The following STAG2 variants were observed in gnomAD, a reference collection of about 807,000 sequenced individuals.
The protein encoded by STAG2 is STAG2 cohesin complex component, also known as cohesin subunit SA-2.
In STAG2, 14 loss-of-function variants were observed where a neutral mutation model predicts 108.1. That is an observed-to-expected ratio of 0.13 (90% CI 0.09 to 0.20). The LOEUF is 0.20. STAG2 is among the 10% of genes least tolerant of loss of function. STAG2 has a pLI of 1.00. For synonymous variants in STAG2, 307 were observed against 302.7 expected (o/e 1.01, Z -0.15); for missense variants, 440 against 940.9 (o/e 0.47, Z 6.96).
intron 14 of STAG2, among the ~76,000 whole-genome samples, chrX:124,057,601 G>A (rs1433940214): frequency 1.8e-5 from 2 of 111,877 alleles, no homozygotes; most frequent in Non-Finnish European, 1.9e-5. Flanking sequence ...ATACAGTAAG[G>A]TTTTTAAAAA....
intron 3 of STAG2, among the ~76,000 whole-genome samples, chrX:124,023,872 C>T (rs12394712): frequency 0.013 from 1,406 of 111,328 alleles, 24 homozygotes; most frequent in African/African-American, 0.043. Flanking sequence ...CAGCATTTGA[C>T]TGGGTATGTG....
chrX:123,979,409 C>G (rs994843464), intron 1 of STAG2, among the ~76,000 whole-genome samples: 1 of 111,612 alleles, frequency 9.0e-6, no homozygotes, highest in Non-Finnish European at 1.9e-5. Flanking sequence ...TAGAACAGTG[C>G]TTGGAGTGTA....
intron 1 of STAG2, among the ~76,000 whole-genome samples, chrX:123,991,364 T>C (rs1412590850): frequency 1.8e-5 from 2 of 111,457 alleles, no homozygotes; most frequent in African/African-American, 3.3e-5. Context: ...ACAATTTTTT[T>C]TTTTTTGAGA....
chrX:124,078,727 G>C (rs1177843954), intron 27 of STAG2, among the ~76,000 whole-genome samples: 1 of 110,708 alleles, frequency 9.0e-6, no homozygotes, highest in African/African-American at 3.3e-5. Flanking sequence ...CCAGTGCTTT[G>C]GGAGGCTGAG....
Position 124,064,772 on chromosome X carries a change from GTTA to G in STAG2, c.2025+732_2025+734del, listed in dbSNP as rs72418096. On this transcript the variant is annotated intron_variant, in intron 20 of 34. Transcript: ENST00000371145. Reference sequence around the variant, plus strand: ...TTTTGATATTATAAAACTTTAATAAGTTATTATTATTATAGCCGCTGCTACTGT... The same window carrying G: ...TTTTGATATTATAAAACTTTAATAAGTTATTATTATAGCCGCTGCTACTGT... Among the ~76,000 whole-genome samples, 655 of 111,223 alleles carry G rather than the reference GTTA, an allele frequency of 5.9e-3. 5 individuals carry two copies. The highest frequency in any genetic ancestry group is 0.02 in the African/African-American group (607 of 30,581).
At chrX:124,077,887 A>G in intron 26 of STAG2, 70 bp from the exon 27 acceptor site, 1 of 709,553 alleles carries the variant, frequency 1.4e-6, no homozygotes, top group South Asian at 3.3e-5. Flanking sequence ...TACATGACTA[A>G]CCTAAAATTT....
Position 124,014,825 on chromosome X carries a change from T to C in STAG2, c.-162-6542T>C, listed in dbSNP as rs989346730. Among the ~76,000 whole-genome samples, 10 of 110,504 alleles carry C rather than the reference T, an allele frequency of 9.0e-5. No individual in the cohort carries two copies. The Admixed American group carries it at 9.7e-4, about 11-fold the overall frequency. ...GAGCAGGGACTACCATTAGGAATTC[T>C]GTAGGACTCCATCCAGGTTTGTGTA... On this transcript the variant is annotated intron_variant, in intron 1 of 34. Transcript: ENST00000371145.
At chrX:124,016,899 A>C (rs1477408169) in intron 1 of STAG2, among the ~76,000 whole-genome samples, 1 of 111,558 alleles carries the variant, frequency 9.0e-6, no homozygotes, top group East Asian at 2.8e-4. Context: ...TGTTTGTATT[A>C]TAGTGATGGT....
intron 17 of STAG2, 101 bp from the exon 18 acceptor site, chrX:124,062,801 A>G (rs887110593): frequency 5.0e-5 from 30 of 605,217 alleles, no homozygotes; most frequent in Non-Finnish European, 7.5e-5. Flanking sequence ...CCATCTCTTA[A>G]AATATAGTTT....
chrX:124,055,402 GAA>G (rs1297085813), intron 13 of STAG2, among the ~76,000 whole-genome samples: 1 of 112,609 alleles, frequency 8.9e-6, no homozygotes, highest in Non-Finnish European at 1.9e-5. Flanking sequence ...TATTGGGAGA[GAA>G]AGAGCTGCCA....
chrX:124,052,294 T>C (rs1054266758), intron 13 of STAG2, among the ~76,000 whole-genome samples: 1 of 112,127 alleles, frequency 8.9e-6, no homozygotes, highest in African/African-American at 3.2e-5. Flanking sequence ...TTTTCATCAC[T>C]TTATTCTGGA....
chrX:124,041,662 A>G (rs757102608), intron 6 of STAG2, among the ~76,000 whole-genome samples: 11 of 110,668 alleles, frequency 9.9e-5, no homozygotes, highest in African/African-American at 3.6e-4. Flanking sequence ...CCCTGCCCCC[A>G]TCTCTCTCTT....
intron 6 of STAG2, among the ~76,000 whole-genome samples, chrX:124,040,977 C>T (rs1204424905): frequency 9.6e-6 from 1 of 104,388 alleles, no homozygotes; most frequent in Admixed American, 1.1e-4. Flanking sequence ...TCTCCTACCT[C>T]AGCCTCCCAA....
intron 16 of STAG2, among the ~76,000 whole-genome samples, 186 bp from the exon 17 acceptor site, chrX:124,061,585 T>C (rs1440981968): frequency 9.0e-6 from 1 of 110,742 alleles, no homozygotes. Context: ...TGGATAGATT[T>C]GGGATGCTGA....
At chrX:124,074,500 C>G (rs942656319) in intron 25 of STAG2, among the ~76,000 whole-genome samples, 1 of 111,764 alleles carries the variant, frequency 8.9e-6, no homozygotes, top group Non-Finnish European at 1.9e-5. Context: ...TAAACTTGAT[C>G]ATATTTTGCT....
intron 1 of STAG2, among the ~76,000 whole-genome samples, chrX:123,975,338 A>G (rs1851857964): frequency 8.9e-6 from 1 of 112,110 alleles, no homozygotes; most frequent in African/African-American, 3.2e-5. Context: ...CATTCCTCAG[A>G]CTTTACTCCT....
In STAG2 at chrX:124,051,382, C is replaced by T; in HGVS notation, c.1184C>T (p.Thr395Ile). ...GCAGTACAAGCAATAAAATTACTCA[C>T]TCTTGTTTTACAGTAAGTATGTATT... ...DVAVQAIKLL[T>I]LVLQSSEEVL... Residue 395 changes from threonine (T) to isoleucine (I), a missense_variant, in exon 13 of 35, where the codon ACT (threonine) becomes ATT (isoleucine). Thr to Ile is a moderately conservative substitution (Grantham distance 89). Coordinates refer to ENST00000371145, the MANE Select transcript of STAG2 (RefSeq NM_001042750.2). The T allele has an allele frequency of 8.4e-7, 1 of 1,186,420 alleles. No individual in the cohort carries two copies. Among genetic ancestry groups the T allele is most frequent in the Non-Finnish European group, 1.1e-6 (1 of 877,308 alleles).
intron 32 of STAG2, among the ~76,000 whole-genome samples, chrX:124,091,779 G>A (rs2059256192): frequency 1.8e-5 from 2 of 112,520 alleles, no homozygotes; most frequent in South Asian, 7.2e-4. Flanking sequence ...ATCAGTGCTT[G>A]GCACGTAAAA....
intron 1 of STAG2, among the ~76,000 whole-genome samples, chrX:123,988,021 G>A (rs1317260603): frequency 9.0e-6 from 1 of 111,729 alleles, no homozygotes; most frequent in African/African-American, 3.3e-5. Context: ...GGCTGGGAAG[G>A]AAAATGAAAA....
Sources: allele counts gnomAD v4.1 joint callset (sites outside exome capture counted in the v4.1 genomes callset), GRCh38; gene constraint gnomAD v4.1.1; transcripts MANE v1.5; gene names NCBI Gene and HGNC (gene_info 2026-07-23, HGNC 2026-07-21).